CDH12: variants seen among roughly 807,000 people sequenced by gnomAD.
The protein encoded by CDH12 is cadherin-12.
In CDH12, 41 loss-of-function variants were observed where a neutral mutation model predicts 74.1. The ratio of observed to expected loss-of-function variants is 0.55; its 90% confidence interval spans 0.43 to 0.72. The LOEUF (loss-of-function observed/expected upper bound fraction) is 0.72, where lower values mean the gene tolerates loss of function less well. Ranked by LOEUF, CDH12 falls within the 30% of genes least tolerant of loss-of-function variation. The probability of loss-of-function intolerance (pLI) is 0.00; values close to 1 mark genes in which losing one functional copy is unlikely to be tolerated. For synonymous variants in CDH12, 399 were observed against 355.0 expected, an observed-to-expected ratio of 1.12 and a Z score of -1.39; for missense variants, 945 against 977.2, an observed-to-expected ratio of 0.97 and a Z score of 0.44.
At chr5:22,666,226 C>A (rs571573160) in intron 1 of CDH12, among the ~76,000 whole-genome samples, 32 of 151,282 alleles carry the variant, frequency 2.1e-4, no homozygotes, top group Admixed American at 4.0e-4. Flanking sequence ...AATCTATTCT[C>A]ACAGTCTGGC....
intron 2 of CDH12, among the ~76,000 whole-genome samples, chr5:22,429,579 C>A (rs568052563): frequency 6.6e-6 from 1 of 152,270 alleles, no homozygotes; most frequent in Non-Finnish European, 1.5e-5. Context: ...TCAGCACCAT[C>A]CTATCATTTC....
At chr5:21,981,527 T>G (rs1455702986) in intron 5 of CDH12, among the ~76,000 whole-genome samples, 1 of 152,086 alleles carries the variant, frequency 6.6e-6, no homozygotes, top group Non-Finnish European at 1.5e-5. Context: ...TTTTTTGACA[T>G]TGGAATGTAT....
chr5:22,725,211 G>C (rs1744100082), intron 1 of CDH12, among the ~76,000 whole-genome samples: 1 of 151,690 alleles, frequency 6.6e-6, no homozygotes, highest in Non-Finnish European at 1.5e-5. Context: ...CTTTAATTTA[G>C]TGGTTTGTGT....
chr5:22,566,404 A>T (rs1739285537), intron 1 of CDH12, among the ~76,000 whole-genome samples: 1 of 151,828 alleles, frequency 6.6e-6, no homozygotes, highest in Non-Finnish European at 1.5e-5. Context: ...AGCTCAGCTA[A>T]ACTTTTTGTA....
intron 1 of CDH12, among the ~76,000 whole-genome samples, chr5:22,698,735 AGTGTGTGTG>A (rs1742552682): frequency 1.4e-4 from 2 of 14,524 alleles, no homozygotes; most frequent in African/African-American, 5.5e-4. Flanking sequence ...ATATATATAT[AGTGTGTGTG>A]TGTGTGTGTG....
chr5:21,888,970 A>G lies in CDH12; in HGVS notation c.527-34180T>C, dbSNP rs13359502. On this transcript the variant is annotated intron_variant, in intron 6 of 14. Coordinates refer to ENST00000382254, the MANE Select transcript of CDH12 (RefSeq NM_004061.5). ...GGTGCATATTAGAAAATTAGAAATAAGCTGTCATGTTGCTGATATAGTAAT... is the reference window on the plus strand; with the variant it reads ...GGTGCATATTAGAAAATTAGAAATAGGCTGTCATGTTGCTGATATAGTAAT... 5.7e-3 allele frequency among the ~76,000 whole-genome samples: 873 copies of G among 152,170 alleles called. 6 individuals carry two copies. Among genetic ancestry groups the G allele is most frequent in the African/African-American group, 0.02 (834 of 41,566 alleles).
chr5:22,258,115 TTTG>T (rs2150391886), intron 3 of CDH12, among the ~76,000 whole-genome samples: 1 of 152,272 alleles, frequency 6.6e-6, no homozygotes, highest in African/African-American at 2.4e-5. Context: ...GCTTTTATTT[TTTG>T]TTTTTTACCA....
At chr5:21,782,548 G>T (rs1195990569) in intron 11 of CDH12, among the ~76,000 whole-genome samples, 3 of 152,072 alleles carry the variant, frequency 2.0e-5, no homozygotes, top group Non-Finnish European at 4.4e-5. Context: ...TGCACCAGAT[G>T]CACAAAATAA....
At chr5:22,183,663 C>T (rs1227331475) in intron 4 of CDH12, among the ~76,000 whole-genome samples, 1 of 152,012 alleles carries the variant, frequency 6.6e-6, no homozygotes, top group African/African-American at 2.4e-5. Flanking sequence ...CTGACCTTGC[C>T]ATAAGAAGGA....
intron 2 of CDH12, among the ~76,000 whole-genome samples, chr5:22,456,242 A>ATG (rs1387917069): frequency 2.3e-4 from 20 of 85,176 alleles, no homozygotes; most frequent in African/African-American, 5.6e-4. Flanking sequence ...TTGTCTATAT[A>ATG]TATGTGTGTG....
At chr5:22,204,461 C>A (rs1162372411) in intron 4 of CDH12, among the ~76,000 whole-genome samples, 1 of 152,102 alleles carries the variant, frequency 6.6e-6, no homozygotes, top group Non-Finnish European at 1.5e-5. Flanking sequence ...GCGCCCAGCC[C>A]AATTCACATG....
At chr5:22,842,562 T>C (rs566707762) in intron 1 of CDH12, among the ~76,000 whole-genome samples, 1 of 152,114 alleles carries the variant, frequency 6.6e-6, no homozygotes, top group Non-Finnish European at 1.5e-5. Context: ...TTTATTGGTG[T>C]TGTAGGCCAA....
At chr5:22,030,340 T>G (rs1219068975) in intron 5 of CDH12, among the ~76,000 whole-genome samples, 1 of 152,284 alleles carries the variant, frequency 6.6e-6, no homozygotes, top group South Asian at 2.1e-4. Context: ...CCTTGATGCA[T>G]GGACTGCAGA....
intron 1 of CDH12, among the ~76,000 whole-genome samples, chr5:22,560,802 A>G (rs898846726): frequency 2.6e-5 from 4 of 152,276 alleles, no homozygotes; most frequent in African/African-American, 7.2e-5. Flanking sequence ...TACATCTTAT[A>G]TAACATTGTG....
At chr5:21,833,496 T>C (rs1374330657) in intron 8 of CDH12, among the ~76,000 whole-genome samples, 8 of 115,392 alleles carry the variant, frequency 6.9e-5, no homozygotes, top group Non-Finnish European at 1.4e-4. Context: ...ATATCATATG[T>C]AATATATAAT....
intron 1 of CDH12, among the ~76,000 whole-genome samples, chr5:22,655,550 G>A (rs959733319): frequency 6.6e-6 from 1 of 152,076 alleles, no homozygotes; most frequent in Non-Finnish European, 1.5e-5. Flanking sequence ...TGTATATGTT[G>A]CCTTTTCTTT....
chr5:21,880,561 TC>T lies in CDH12; in HGVS notation c.527-25772del, dbSNP rs746019069. ...TTCCTTCCTTCCTTCCTTCCTTCCT[TC>T]CCTTCTTTCTTTCCTTCCTTCCTTC... is the stretch of plus-strand genomic sequence containing the variant. On this transcript the variant is annotated intron_variant, in intron 6 of 14. Coordinates refer to ENST00000382254, the MANE Select transcript of CDH12 (RefSeq NM_004061.5). Among the ~76,000 whole-genome samples the T allele has an allele frequency of 1.3e-3, 107 of 80,532 alleles. 2 individuals are homozygous for T. Among genetic ancestry groups the T allele is most frequent in the Non-Finnish European group, 1.6e-3 (54 of 33,042 alleles). 52.8% of individuals were successfully genotyped at this position (80,532 alleles called of 152,430 possible). A position where few individuals can be genotyped will look rare whatever the true frequency, so the allele number is the denominator to read the frequency against.
At chr5:22,446,733 T>G (rs1304964155) in intron 2 of CDH12, among the ~76,000 whole-genome samples, 1 of 152,132 alleles carries the variant, frequency 6.6e-6, no homozygotes, top group East Asian at 1.9e-4. Context: ...AGATTATATA[T>G]TTTTCAAAGC....
rs1751040701 is a variant in CDH12 at position 22,203,610 on chromosome 5, C to A, written c.-187+8888G>T. Among the ~76,000 whole-genome samples, 3 of 152,170 alleles carry A rather than the reference C, an allele frequency of 2.0e-5. No homozygotes were observed. In the South Asian group the frequency reaches 6.2e-4, roughly 32 times the overall value. ...ATGTTATTTCCTTTGGATACAGACC[C>A]AGCAATGGCATTTTGGGATCATATG... On this transcript the variant is annotated intron_variant, in intron 4 of 14. Transcript: ENST00000382254.
Sources: allele counts gnomAD v4.1 joint callset (sites outside exome capture counted in the v4.1 genomes callset), GRCh38; gene constraint gnomAD v4.1.1; transcripts MANE v1.5; gene names NCBI Gene and HGNC (gene_info 2026-07-23, HGNC 2026-07-21).